Variants in SMYD3 observed in about 807,000 individuals in gnomAD.
SMYD3 encodes the protein histone-lysine N-methyltransferase SMYD3.
Under a neutral mutation model 57.7 loss-of-function variants are expected in SMYD3, and 36 were observed. That is an observed-to-expected ratio of 0.62 (90% CI 0.48 to 0.82). SMYD3 has a LOEUF of 0.82. Ranked by LOEUF, SMYD3 falls within the 40% of genes least tolerant of loss-of-function variation. The probability of loss-of-function intolerance (pLI) is 0.00; values close to 1 mark genes in which losing one functional copy is unlikely to be tolerated. For synonymous variants in SMYD3, 211 were observed against 195.0 expected, an observed-to-expected ratio of 1.08 and a Z score of -0.68; for missense variants, 515 against 538.8, an observed-to-expected ratio of 0.96 and a Z score of 0.44.
intron 5 of SMYD3, among the ~76,000 whole-genome samples, chr1:246,184,901 G>A (rs1311759272): frequency 6.6e-6 from 1 of 152,156 alleles, no homozygotes; most frequent in Non-Finnish European, 1.5e-5. Flanking sequence ...GTGGAGTTTT[G>A]TTACAGTACC....
intron 5 of SMYD3, among the ~76,000 whole-genome samples, chr1:246,204,820 G>A (rs1481541303): frequency 6.6e-6 from 1 of 152,196 alleles, no homozygotes; most frequent in Non-Finnish European, 1.5e-5. Context: ...TGTCAAAATA[G>A]GTGATTAATG....
At chr1:246,321,670 C>T (rs1008663198) in intron 5 of SMYD3, 1 of 151,876 alleles carries the variant, frequency 6.6e-6, no homozygotes, top group African/African-American at 2.4e-5. Flanking sequence ...TATATTTATG[C>T]TTAGGAGTAT....
rs964766528 is a variant in SMYD3 at position 246,464,531 on chromosome 1, A to G, written c.164+42523T>C. Among the ~76,000 whole-genome samples, 8 of 152,302 alleles carry G rather than the reference A, an allele frequency of 5.3e-5. 1 individual carries two copies. The highest frequency in any genetic ancestry group is 1.7e-4 in the African/African-American group (7 of 41,564). On this transcript the variant is annotated intron_variant, in intron 1 of 11. Transcript: ENST00000490107. The stretch of plus-strand genomic sequence containing the variant: ...GACCCTGTCTCAAAAAAAGGTATAC[A>G]AGAAAGACAGAAAATATTCAATAGC...
chr1:246,472,803 A>G (rs1013138495), intron 1 of SMYD3, among the ~76,000 whole-genome samples: 1 of 150,698 alleles, frequency 6.6e-6, no homozygotes, highest in South Asian at 2.1e-4. Flanking sequence ...CAAGGCAATC[A>G]TATCTAACTA....
At chr1:246,009,028 T>C (rs2059228945) in intron 5 of SMYD3, among the ~76,000 whole-genome samples, 1 of 152,130 alleles carries the variant, frequency 6.6e-6, no homozygotes, top group Admixed American at 6.5e-5. Flanking sequence ...TCCTCTTAGC[T>C]GCAAAATATG....
chr1:246,482,619 C>T (rs1031209130), intron 1 of SMYD3, among the ~76,000 whole-genome samples: 4 of 152,248 alleles, frequency 2.6e-5, no homozygotes, highest in South Asian at 4.1e-4. Flanking sequence ...GCACATACAG[C>T]GGGATAAACA....
intron 1 of SMYD3, among the ~76,000 whole-genome samples, chr1:246,504,996 C>A (rs1418705029): frequency 6.6e-6 from 1 of 152,180 alleles, no homozygotes. Context: ...AACACTATAA[C>A]CACTAAAATG....
rs548637083 is a variant in SMYD3, at chr1:245,785,629, C to CAGAG, written c.1077-21484_1077-21481dup. 2.1e-3 allele frequency among the ~76,000 whole-genome samples: 310 copies of CAGAG among 150,578 alleles called. 1 individual carries two copies. Among genetic ancestry groups the CAGAG allele is most frequent in the African/African-American group, 7.1e-3 (292 of 40,878 alleles). ...TTCAAGAGACAGGGCACCTCTCCCC[C>CAGAG]AGAGAGAGAGCGAGCGAGAGAGAGA... On this transcript the variant is annotated intron_variant, in intron 10 of 11. Coordinates refer to ENST00000490107, the MANE Select transcript of SMYD3 (RefSeq NM_001167740.2).
chr1:246,023,053 T>C (rs2059501553), intron 5 of SMYD3, among the ~76,000 whole-genome samples: 1 of 152,218 alleles, frequency 6.6e-6, no homozygotes, highest in Admixed American at 6.5e-5. Context: ...TACCAATCCA[T>C]TCTCTAAACT....
At chr1:245,909,978 A>G (rs2147745467) in intron 8 of SMYD3, among the ~76,000 whole-genome samples, 1 of 152,314 alleles carries the variant, frequency 6.6e-6, no homozygotes, top group African/African-American at 2.4e-5. Context: ...ATTAGACAGG[A>G]GAAAAAATTA....
chr1:245,788,204 A>G (rs1303078141), intron 10 of SMYD3, among the ~76,000 whole-genome samples: 1 of 152,158 alleles, frequency 6.6e-6, no homozygotes, highest in Admixed American at 6.5e-5. Flanking sequence ...AATGGTGACC[A>G]GATTAACACA....
chr1:246,141,772 C>T (rs898891313), intron 5 of SMYD3, among the ~76,000 whole-genome samples: 1 of 152,228 alleles, frequency 6.6e-6, no homozygotes, highest in Non-Finnish European at 1.5e-5. Flanking sequence ...TTAGTAAACA[C>T]ATCTCCTGGA....
intron 5 of SMYD3, among the ~76,000 whole-genome samples, chr1:246,236,679 T>C (rs12047146): frequency 6.6e-6 from 1 of 151,770 alleles, no homozygotes; most frequent in African/African-American, 2.4e-5. Context: ...CTCCCAAAGT[T>C]TTTTTATTTT....
intron 5 of SMYD3, among the ~76,000 whole-genome samples, chr1:245,998,052 G>C (rs886803574): frequency 6.6e-6 from 1 of 152,194 alleles, no homozygotes; most frequent in Non-Finnish European, 1.5e-5. Flanking sequence ...CAGGGAAAAC[G>C]CTGTGCTGGA....
chr1:245,774,731 C>T (rs528375073), intron 10 of SMYD3, among the ~76,000 whole-genome samples: 18 of 150,248 alleles, frequency 1.2e-4, no homozygotes, highest in African/African-American at 2.7e-4. Context: ...TCTCTTTCCA[C>T]GGTCTCCCTC....
intron 10 of SMYD3, among the ~76,000 whole-genome samples, chr1:245,775,684 C>T (rs550837012): frequency 1.3e-4 from 19 of 148,246 alleles, no homozygotes; most frequent in Admixed American, 7.4e-4. Context: ...TCCCCCTCTC[C>T]GAGAAACACC....
At chr1:245,956,419 G>A (rs1243628512) in intron 5 of SMYD3, among the ~76,000 whole-genome samples, 2 of 152,338 alleles carry the variant, frequency 1.3e-5, no homozygotes, top group East Asian at 1.9e-4. Context: ...GCAGTGGACA[G>A]GCAGGAAATA....
intron 5 of SMYD3, among the ~76,000 whole-genome samples, chr1:246,300,827 C>T (rs2064881982): frequency 6.6e-6 from 1 of 152,174 alleles, no homozygotes; most frequent in Non-Finnish European, 1.5e-5. Flanking sequence ...TCTTATCCTT[C>T]TCAAAGCACA....
At chr1:246,262,048 T>C (rs1220164064) in intron 5 of SMYD3, among the ~76,000 whole-genome samples, 2 of 152,218 alleles carry the variant, frequency 1.3e-5, no homozygotes, top group African/African-American at 4.8e-5. Context: ...TTCCATGCTC[T>C]CCTATTGTTA....
Sources: allele counts gnomAD v4.1 joint callset (sites outside exome capture counted in the v4.1 genomes callset), GRCh38; gene constraint gnomAD v4.1.1; transcripts MANE v1.5; gene names NCBI Gene and HGNC (gene_info 2026-07-23, HGNC 2026-07-21).